The following TRAPPC9 variants were observed in gnomAD, a reference collection of about 807,000 sequenced individuals.
TRAPPC9 encodes trafficking protein particle complex subunit 9.
In TRAPPC9, 83 loss-of-function variants were observed where a neutral mutation model predicts 124.0. That is an observed-to-expected ratio of 0.67 (90% CI 0.56 to 0.80). The LOEUF is 0.80. TRAPPC9 is among the 30% of genes least tolerant of loss of function. The pLI is 0.00. For synonymous variants in TRAPPC9, 638 were observed against 617.5 expected, an observed-to-expected ratio of 1.03 and a Z score of -0.49; for missense variants, 1,302 against 1,508.3, an observed-to-expected ratio of 0.86 and a Z score of 2.27.
At chr8:140,276,167 A>G (rs1489895720) in intron 14 of TRAPPC9, among the ~76,000 whole-genome samples, 1 of 152,236 alleles carries the variant, frequency 6.6e-6, no homozygotes, top group Non-Finnish European at 1.5e-5. Flanking sequence ...CAAATAAACC[A>G]TGAGGCCGCT....
chr8:139,935,122 A>G (rs1187671586), intron 19 of TRAPPC9, among the ~76,000 whole-genome samples: 4 of 152,122 alleles, frequency 2.6e-5, no homozygotes, highest in Non-Finnish European at 5.9e-5. Flanking sequence ...ACCAGACAAG[A>G]CATCACCGTG....
At chr8:139,792,238 G>A (rs925838966) in intron 21 of TRAPPC9, among the ~76,000 whole-genome samples, 7 of 152,108 alleles carry the variant, frequency 4.6e-5, no homozygotes, top group Non-Finnish European at 1.0e-4. Flanking sequence ...ATGGGGGGTG[G>A]CCAGGGGAGT....
chr8:140,163,905 CA>C (rs1343189886), intron 17 of TRAPPC9, among the ~76,000 whole-genome samples: 1 of 152,060 alleles, frequency 6.6e-6, no homozygotes, highest in African/African-American at 2.4e-5. Flanking sequence ...CATTAATTAA[CA>C]AATGGAAAGG....
At chr8:140,456,878 C>A in intron 1 of TRAPPC9, 2 of 981,656 alleles carry the variant, frequency 2.0e-6, no homozygotes, top group African/African-American at 1.7e-5. Flanking sequence ...CATCCTAACA[C>A]GGGAAAACTT....
chr8:140,418,690 AG>A (rs773188380), intron 5 of TRAPPC9, among the ~76,000 whole-genome samples: 8 of 152,152 alleles, frequency 5.3e-5, no homozygotes. Flanking sequence ...ACTGCACTCC[AG>A]CCTGGGCGAC....
chr8:140,246,625 C>A (rs967665089), intron 16 of TRAPPC9, among the ~76,000 whole-genome samples: 8 of 152,170 alleles, frequency 5.3e-5, no homozygotes, highest in Admixed American at 2.6e-4. Context: ...TACACTGATA[C>A]CTAGTTTCAG....
intron 20 of TRAPPC9, among the ~76,000 whole-genome samples, chr8:139,908,240 A>G (rs1831487481): frequency 6.6e-6 from 1 of 152,160 alleles, no homozygotes; most frequent in African/African-American, 2.4e-5. Flanking sequence ...ACCTCCTGCC[A>G]GGCCCACCAT....
intron 21 of TRAPPC9, among the ~76,000 whole-genome samples, chr8:139,860,718 C>T (rs548238070): frequency 8.5e-5 from 13 of 152,346 alleles, no homozygotes; most frequent in East Asian, 3.9e-4. Context: ...AAGTGCTAAC[C>T]GAGTAAATCC....
chr8:140,188,021 T>G (rs2062390498), intron 17 of TRAPPC9, among the ~76,000 whole-genome samples: 1 of 152,200 alleles, frequency 6.6e-6, no homozygotes, highest in Non-Finnish European at 1.5e-5. Flanking sequence ...TCCTCTGGGC[T>G]CATCTGGCTC....
chr8:140,360,393 C>G (rs557903713), intron 8 of TRAPPC9, among the ~76,000 whole-genome samples, 200 bp from the exon 9 acceptor site: 2 of 152,296 alleles, frequency 1.3e-5, no homozygotes, highest in East Asian at 3.9e-4. Context: ...ACAGCAAAAA[C>G]AGGCATTACA....
At chr8:139,886,427 G>A (rs1241588824) in intron 20 of TRAPPC9, among the ~76,000 whole-genome samples, 1 of 152,090 alleles carries the variant, frequency 6.6e-6, no homozygotes, top group African/African-American at 2.4e-5. Context: ...TATTACGAAC[G>A]AACTCACTTA....
At chr8:139,937,248 T>G (rs1008225099) in intron 19 of TRAPPC9, among the ~76,000 whole-genome samples, 1 of 151,906 alleles carries the variant, frequency 6.6e-6, no homozygotes, top group African/African-American at 2.4e-5. Context: ...CACAGAAGAG[T>G]GAACACAAAA....
rs551282342 is a variant in TRAPPC9 at position 139,910,236 on chromosome 8, G to T, written c.2875C>A (p.Gln959Lys). Residue 959 changes from glutamine to lysine, a missense_variant, in exon 20 of 23, where the codon CAA becomes AAA. Physicochemically the swap from Gln to Lys is moderately conservative, Grantham distance 53 (BLOSUM62 1). Around this residue, in one of 3 missense-constraint regions of TRAPPC9, gnomAD observed 640 missense variants for 679.3 expected, o/e 0.94. Coordinates refer to ENST00000438773, the MANE Select transcript of TRAPPC9 (RefSeq NM_001160372.4). Reference protein sequence around the residue: ...SFPESPGEKGQFANPKQLEEE... With the variant: ...SFPESPGEKGKFANPKQLEEE... The stretch of plus-strand genomic sequence containing the variant: ...TCCAGCTGCTTGGGGTTTGCAAATT[G>T]CCCCTTCTCCCCAGGGGACTCCGGG... The T allele has an allele frequency of 3.1e-6, 5 of 1,614,106 alleles. No homozygotes were observed. In the African/African-American group the frequency reaches 6.7e-5, roughly 22 times the overall value.
intron 21 of TRAPPC9, among the ~76,000 whole-genome samples, chr8:139,847,885 C>G (rs899343307): frequency 6.6e-6 from 1 of 152,218 alleles, no homozygotes; most frequent in East Asian, 1.9e-4. Flanking sequence ...AGCTTAAAGA[C>G]CCTCCAAGGC....
intron 21 of TRAPPC9, among the ~76,000 whole-genome samples, chr8:139,769,864 G>A (rs1397772392): frequency 2.0e-5 from 3 of 152,356 alleles, no homozygotes; most frequent in Non-Finnish European, 2.9e-5. Flanking sequence ...AAAGGAAGTG[G>A]TCATTTACTC....
At chr8:140,262,290 T>C (rs1403792033) in intron 15 of TRAPPC9, among the ~76,000 whole-genome samples, 1 of 151,878 alleles carries the variant, frequency 6.6e-6, no homozygotes, top group East Asian at 1.9e-4. Flanking sequence ...AGTTTGATTT[T>C]CAGGAGCTCC....
chr8:140,404,737 CACGCGTGAGCATGTGTGT>C (rs757015654), intron 6 of TRAPPC9, among the ~76,000 whole-genome samples: 37 of 151,016 alleles, frequency 2.5e-4, no homozygotes, highest in South Asian at 6.3e-4. Flanking sequence ...TGCATGTGTG[CACGCGTGAGCATGTGTGT>C]ACGTGCATGT....
At chr8:139,761,175 C>T (rs1270651200) in intron 21 of TRAPPC9, among the ~76,000 whole-genome samples, 3 of 152,218 alleles carry the variant, frequency 2.0e-5, no homozygotes, top group African/African-American at 7.2e-5. Flanking sequence ...CCCTGAACCA[C>T]GTCCTGGGCA....
At chr8:140,256,210 A>G (rs972544650) in intron 15 of TRAPPC9, among the ~76,000 whole-genome samples, 3 of 152,210 alleles carry the variant, frequency 2.0e-5, no homozygotes, top group Non-Finnish European at 4.4e-5. Flanking sequence ...TTGGCTGCTC[A>G]GGGGAATGTG....
Sources: gnomAD v4.1 joint callset for allele counts (sites outside exome capture counted in the v4.1 genomes callset) on GRCh38, gnomAD v4.1.1 for gene constraint, gnomAD v4.1.1 regional missense constraint, MANE v1.5 for transcripts, NCBI Gene and HGNC (gene_info 2026-07-23, HGNC 2026-07-21) for gene names.